CPA3: variants seen among roughly 807,000 people sequenced by gnomAD.
CPA3 encodes carboxypeptidase A3, also known as mast cell carboxypeptidase A.
A neutral mutation model predicts 55.8 loss-of-function variants in CPA3; 52 were observed. The ratio of observed to expected loss-of-function variants is 0.93; its 90% confidence interval spans 0.75 to 1.17. CPA3 has a LOEUF of 1.17. Ranked by LOEUF, CPA3 falls within the 50% of genes most tolerant of loss-of-function variation. CPA3 has a pLI of 0.00. For missense variants in CPA3, 547 were observed against 509.1 expected (o/e 1.07, Z -0.72); for synonymous variants, 179 against 171.2 (o/e 1.05, Z -0.36).
chr3:148,888,946 A>C (rs113229150), intron 10 of CPA3, among the ~76,000 whole-genome samples: 39 of 152,340 alleles, frequency 2.6e-4, no homozygotes, highest in African/African-American at 9.1e-4. Flanking sequence ...AAGTGGAAGG[A>C]GCGGAGAGCC....
intron 3 of CPA3, among the ~76,000 whole-genome samples, chr3:148,876,680 A>C (rs1308672741): frequency 6.6e-6 from 1 of 152,090 alleles, no homozygotes; most frequent in Non-Finnish European, 1.5e-5. Flanking sequence ...CCCAGCCAAG[A>C]CATTTATTTA....
chr3:148,891,513 T>TAC (rs778053709), intron 10 of CPA3, among the ~76,000 whole-genome samples: 12 of 120,482 alleles, frequency 1.0e-4, no homozygotes, highest in Admixed American at 1.7e-4. Flanking sequence ...CACACACACA[T>TAC]ACACACACAC....
chr3:148,896,572 C>T lies in CPA3; in HGVS notation c.1119C>T (p.His373=). ...GGGCTTATGACCTGGGCATCAAACACACATTTGCCTTTGAGCTCCGAGATA... is the reference window on the plus strand; with the variant it reads ...GGGCTTATGACCTGGGCATCAAACATACATTTGCCTTTGAGCTCCGAGATA... The part of the protein sequence containing the change: ...LDWAYDLGIK[H]TFAFELRDKG... The change falls in exon 11 of 11, where the codon CAC becomes CAT. Residue 373 remains histidine (H), a synonymous_variant. Transcript: ENST00000296046. 1.3e-6 allele frequency: 2 copies of T among 1,575,232 alleles called. No homozygotes were observed. The highest frequency in any genetic ancestry group is 4.5e-5 in the East Asian group (2 of 44,234).
chr3:148,871,263 G>A (rs1194578231), intron 3 of CPA3, among the ~76,000 whole-genome samples: 1 of 152,146 alleles, frequency 6.6e-6, no homozygotes, highest in Admixed American at 6.5e-5. Flanking sequence ...TATAGACCTG[G>A]TCTGGATTCC....
At chr3:148,866,454 T>C (rs1713903154) in intron 2 of CPA3, among the ~76,000 whole-genome samples, 1 of 152,250 alleles carries the variant, frequency 6.6e-6, no homozygotes, top group South Asian at 2.1e-4. Context: ...CAACTCTGCA[T>C]TGCAACCTGA....
At chr3:148,876,236 C>T (rs1456411090) in intron 3 of CPA3, among the ~76,000 whole-genome samples, 3 of 151,254 alleles carry the variant, frequency 2.0e-5, no homozygotes, top group African/African-American at 7.3e-5. Flanking sequence ...GATCAAAATA[C>T]TTAACATTTT....
chr3:148,870,502 C>T (rs951242616), intron 3 of CPA3, among the ~76,000 whole-genome samples: 8 of 152,070 alleles, frequency 5.3e-5, no homozygotes, highest in African/African-American at 1.9e-4. Context: ...CATTCTTATT[C>T]ACGGCTTTAA....
At chr3:148,870,704 C>T (rs1468095830) in intron 3 of CPA3, among the ~76,000 whole-genome samples, 2 of 152,022 alleles carry the variant, frequency 1.3e-5, no homozygotes, top group African/African-American at 4.8e-5. Context: ...CAGCTTTTAA[C>T]CCTTTTAACT....
intron 9 of CPA3, 39 bp downstream of exon 9, chr3:148,883,854 AC>A: frequency 7.0e-7 from 1 of 1,418,826 alleles, no homozygotes; most frequent in Non-Finnish European, 1.0e-6. Context: ...CATCGACAAT[AC>A]CATTGACTTT....
At chr3:148,873,558 G>A (rs576434647) in intron 3 of CPA3, among the ~76,000 whole-genome samples, 2 of 152,328 alleles carry the variant, frequency 1.3e-5, no homozygotes, top group Admixed American at 1.3e-4. Flanking sequence ...TTGGGACACA[G>A]ACTTCCATGA....
intron 10 of CPA3, among the ~76,000 whole-genome samples, chr3:148,896,063 T>C (rs1714818759): frequency 6.6e-6 from 1 of 152,212 alleles, no homozygotes. Flanking sequence ...TCTTGGTCTT[T>C]TGACTATGAA....
intron 10 of CPA3, among the ~76,000 whole-genome samples, chr3:148,886,916 T>G (rs1367089602): frequency 6.6e-6 from 1 of 152,210 alleles, no homozygotes; most frequent in Non-Finnish European, 1.5e-5. Flanking sequence ...CTTCTCACTA[T>G]GTTCAGCCGA....
intron 10 of CPA3, among the ~76,000 whole-genome samples, chr3:148,894,406 T>C (rs1294920622): frequency 1.3e-5 from 2 of 149,188 alleles, no homozygotes; most frequent in Non-Finnish European, 3.0e-5. Context: ...AAAAATGTCA[T>C]GTAACCAAGA....
chr3:148,895,957 C>A (rs1409367482), intron 10 of CPA3, among the ~76,000 whole-genome samples: 1 of 151,706 alleles, frequency 6.6e-6, no homozygotes, highest in East Asian at 1.9e-4. Flanking sequence ...ATGTTTTTAC[C>A]AAAAAATAGA....
At chr3:148,896,132 T>G (rs573365859) in intron 10 of CPA3, among the ~76,000 whole-genome samples, 3 of 150,856 alleles carry the variant, frequency 2.0e-5, no homozygotes, top group African/African-American at 7.2e-5. Flanking sequence ...GAAATGCAAT[T>G]CTATGTATCT....
chr3:148,873,586 C>T (rs1199217399), intron 3 of CPA3, among the ~76,000 whole-genome samples: 1 of 152,180 alleles, frequency 6.6e-6, no homozygotes. Flanking sequence ...TTGATTGGGC[C>T]AACTGTGCAC....
At chr3:148,895,429 C>A (rs1245091713) in intron 10 of CPA3, among the ~76,000 whole-genome samples, 1 of 152,166 alleles carries the variant, frequency 6.6e-6, no homozygotes, top group African/African-American at 2.4e-5. Context: ...AGAATAATCT[C>A]TTTTTTCTTT....
chr3:148,879,009 G>A (rs771586228), intron 5 of CPA3, among the ~76,000 whole-genome samples: 12 of 128,694 alleles, frequency 9.3e-5, no homozygotes, highest in African/African-American at 3.7e-4. Flanking sequence ...TATTACAAGA[G>A]TCCATGATGT....
At chr3:148,887,507 C>T (rs1054686172) in intron 10 of CPA3, among the ~76,000 whole-genome samples, 2 of 152,186 alleles carry the variant, frequency 1.3e-5, no homozygotes, top group Non-Finnish European at 2.9e-5. Flanking sequence ...ATCCTGACCA[C>T]TGCACATACT....
Sources: gnomAD v4.1 joint callset for allele counts (sites outside exome capture counted in the v4.1 genomes callset) on GRCh38, gnomAD v4.1.1 for gene constraint, MANE v1.5 for transcripts, NCBI Gene and HGNC (gene_info 2026-07-23, HGNC 2026-07-21) for gene names.